The following PHF8 variants were observed in gnomAD, a reference collection of about 807,000 sequenced individuals.
PHF8 encodes the protein PHD finger protein 8.
In PHF8, 9 loss-of-function variants were observed where a neutral mutation model predicts 74.4. The ratio of observed to expected loss-of-function variants is 0.12; its 90% CI spans 0.07 to 0.21. The LOEUF is 0.21. Ranked by LOEUF, PHF8 falls within the 10% of genes least tolerant of loss-of-function variation. The probability of loss-of-function intolerance (pLI) is 1.00; values close to 1 mark genes in which losing one functional copy is unlikely to be tolerated. For missense variants in PHF8, 478 were observed against 816.6 expected (o/e 0.59, Z 5.05); for synonymous variants, 311 against 316.6 (o/e 0.98, Z 0.19).
At chrX:53,959,863 CAAAA>C (rs782111007) in intron 19 of PHF8, among the ~76,000 whole-genome samples, 2 of 23,105 alleles carry the variant, frequency 8.7e-5, no homozygotes, top group East Asian at 1.6e-3. Context: ...GTTTCTGCCT[CAAAA>C]AAAAAAAAAA....
At chrX:54,024,758 T>C (rs1422304287) in intron 2 of PHF8, among the ~76,000 whole-genome samples, 1 of 112,720 alleles carries the variant, frequency 8.9e-6, no homozygotes, top group African/African-American at 3.2e-5. Context: ...GCATCACTAT[T>C]ATGCAGAAGT....
chrX:54,046,235 A>G (rs2066632963), upstream of PHF8, among the ~76,000 whole-genome samples: 1 of 111,241 alleles, frequency 9.0e-6, no homozygotes, highest in Non-Finnish European at 1.9e-5. Context: ...TGAAAGGTCC[A>G]GGTTTAATGG....
intron 18 of PHF8, among the ~76,000 whole-genome samples, chrX:53,976,216 A>T (rs1024571663): frequency 9.1e-6 from 1 of 109,829 alleles, no homozygotes; most frequent in Non-Finnish European, 1.9e-5. Context: ...GAGGCAGGAG[A>T]ACCACTTGAA....
At chrX:54,022,111 C>A in intron 4 of PHF8, 148 bp downstream of exon 4, 1 of 468,463 alleles carries the variant, frequency 2.1e-6, no homozygotes. Flanking sequence ...AGGAATTGAC[C>A]AAACCAGAAG....
intron 18 of PHF8, among the ~76,000 whole-genome samples, chrX:53,971,398 A>T (rs1557094494): frequency 1.8e-5 from 2 of 110,887 alleles, no homozygotes; most frequent in South Asian, 3.8e-4. Flanking sequence ...AGATCTCAAA[A>T]TTCACAACTA....
chrX:54,011,372 T>C (rs1218840577), intron 7 of PHF8, 88 bp from the exon 8 acceptor site: 14 of 751,424 alleles, frequency 1.9e-5, no homozygotes, highest in Admixed American at 1.4e-4. Flanking sequence ...ATTTCTCCCA[T>C]GCTCCAAAAC....
chrX:53,963,273 C>G (rs781986495), intron 18 of PHF8, among the ~76,000 whole-genome samples: 1 of 111,925 alleles, frequency 8.9e-6, no homozygotes, highest in East Asian at 2.8e-4. Flanking sequence ...CTCTCCTAAT[C>G]ATGATTGAGA....
At position 54,009,844 on chromosome X, in the gene PHF8, G is replaced by GGAAAAAAAAAAAAAAAAAAAAAAAA. The variant is rs2065952773; in HGVS notation, c.946+1277_946+1278insTTTTTTTTTTTTTTTTTTTTTTTTC. On this transcript the variant is annotated intron_variant, in intron 8 of 21. Transcript: ENST00000338154. ...GGTGACAGAGTGAGACTCTGTCTCA[G>GGAAAAAAAAAAAAAAAAAAAAAAAA]AAAAAAAAAAAAAAAAAAAAAAAAA... Among the ~76,000 whole-genome samples, 10 of 9,390 alleles carry GGAAAAAAAAAAAAAAAAAAAAAAAA rather than the reference G, an allele frequency of 1.1e-3. 1 individual carries two copies. The highest frequency in any genetic ancestry group is 1.8e-3 in the Non-Finnish European group (4 of 2,201). 8.2% of individuals were successfully genotyped at this position (9,390 alleles called of 115,157 possible). A position where few individuals can be genotyped will look rare whatever the true frequency, so the allele number is the denominator to read the frequency against.
At chrX:53,940,151 T>C (rs781979225) in intron 21 of PHF8, 29 bp downstream of exon 21, 1 of 1,106,087 alleles carries the variant, frequency 9.0e-7, no homozygotes, top group Non-Finnish European at 1.2e-6. Flanking sequence ...CTAAGATCCT[T>C]CGGTTCTACA....
intron 19 of PHF8, among the ~76,000 whole-genome samples, chrX:53,960,308 C>T (rs2065082791): frequency 1.9e-5 from 2 of 107,707 alleles, no homozygotes; most frequent in African/African-American, 6.7e-5. Context: ...ATCTCCTGAC[C>T]TTGTGATCCA....
chrX:54,031,934 C>G (rs946379502), intron 2 of PHF8, among the ~76,000 whole-genome samples: 9 of 111,563 alleles, frequency 8.1e-5, no homozygotes, highest in Non-Finnish European at 1.7e-4. Context: ...TATAAACGTG[C>G]ATTTCTAATG....
chrX:53,998,135 A>G (rs1362195233), intron 11 of PHF8, among the ~76,000 whole-genome samples: 5 of 112,276 alleles, frequency 4.5e-5, no homozygotes, highest in African/African-American at 1.6e-4. Context: ...TGAGAAGGAA[A>G]TTAACAGCTA....
intron 18 of PHF8, among the ~76,000 whole-genome samples, chrX:53,984,542 T>C (rs1441979272): frequency 1.8e-5 from 2 of 111,450 alleles, no homozygotes; most frequent in Admixed American, 9.6e-5. Context: ...AGGGACAAAC[T>C]GGCCAACGCA....
At position 54,002,695 on chromosome X, in the gene PHF8, A is replaced by C. The variant is rs368502688; in HGVS notation, c.947-13T>G. 4 of 1,140,038 alleles carry C rather than the reference A, an allele frequency of 3.5e-6. No homozygotes were observed. In the African/African-American group the frequency reaches 7.2e-5, roughly 20 times the overall value. 94.0% of individuals were successfully genotyped at this position (1,140,038 alleles called of 1,213,427 possible). ...GCATGGATCCACCCTGCAGTGTAAC[A>C]AGGCAAAATCAAAGCTGGAAGAGGG... On this transcript the variant is annotated splice_polypyrimidine_tract_variant and intron_variant, in intron 8 of 21. Transcript: ENST00000338154.
chrX:54,006,720 G>A (rs2065902124), intron 8 of PHF8, among the ~76,000 whole-genome samples: 1 of 110,926 alleles, frequency 9.0e-6, no homozygotes, highest in Admixed American at 9.6e-5. Context: ...TGGATCACCT[G>A]AGGTCTAGAG....
chrX:53,962,014 T>C (rs1276187134), intron 19 of PHF8, among the ~76,000 whole-genome samples: 4 of 112,279 alleles, frequency 3.6e-5, no homozygotes, highest in Non-Finnish European at 5.6e-5. Context: ...TGCTTGCACA[T>C]TGGGGCTTGT....
chrX:54,044,729 A>G, upstream of PHF8: 1 of 483,656 alleles, frequency 2.1e-6, no homozygotes, highest in East Asian at 4.1e-5. Flanking sequence ...CCGGGCAAAC[A>G]GGGAGTTCAG....
At position 53,937,968 on chromosome X, in the gene PHF8, A is replaced by T; in HGVS notation, c.*1190T>A. 6.1e-6 allele frequency: 7 copies of T among 1,149,787 alleles called. No individual in the cohort carries two copies. The South Asian group carries it at 1.3e-4, about 22-fold the overall frequency. 94.8% of individuals were successfully genotyped at this position (1,149,787 alleles called of 1,213,427 possible). A position where few individuals can be genotyped will look rare whatever the true frequency, so the allele number is the denominator to read the frequency against. ...ACAGGGGAAGGGGAGGATCGGATGGATGGTCTGCTCCTTCACGGATGGGCG... is the reference window on the plus strand; with the variant it reads ...ACAGGGGAAGGGGAGGATCGGATGGTTGGTCTGCTCCTTCACGGATGGGCG... On this transcript the variant is annotated 3_prime_UTR_variant, in exon 22 of 22. Coordinates refer to ENST00000338154, the MANE Select transcript of PHF8 (RefSeq NM_015107.3).
chrX:54,021,461 T>TA (rs2066170988), intron 4 of PHF8, among the ~76,000 whole-genome samples: 1 of 71,373 alleles, frequency 1.4e-5, no homozygotes, highest in Non-Finnish European at 2.7e-5. Context: ...ATTATTTTTT[T>TA]TTTTTTTTTT....
Sources: gnomAD v4.1 joint callset for allele counts (sites outside exome capture counted in the v4.1 genomes callset) on GRCh38, gnomAD v4.1.1 for gene constraint, MANE v1.5 for transcripts, NCBI Gene and HGNC (gene_info 2026-07-23, HGNC 2026-07-21) for gene names.